Variants in ANKRD28 observed in about 807,000 individuals in gnomAD.
ANKRD28 encodes the protein ankyrin repeat domain 28, also known as serine/threonine-protein phosphatase 6 regulatory ankyrin repeat subunit A.
ANKRD28 carries 44 observed loss-of-function variants against 126.5 expected under a neutral mutation model. The ratio of observed to expected loss-of-function variants is 0.35; its 90% CI spans 0.27 to 0.45. ANKRD28 has a LOEUF of 0.45. Ranked by LOEUF, ANKRD28 falls within the 20% of genes least tolerant of loss-of-function variation. ANKRD28 has a pLI of 1.00. For synonymous variants in ANKRD28, 442 were observed against 468.5 expected, an observed-to-expected ratio of 0.94 and a Z score of 0.73; for missense variants, 1,110 against 1,316.6, an observed-to-expected ratio of 0.84 and a Z score of 2.43.
intron 6 of ANKRD28, among the ~76,000 whole-genome samples, chr3:15,733,797 ACT>A (rs959292553): frequency 6.6e-5 from 10 of 152,118 alleles, no homozygotes; most frequent in Non-Finnish European, 1.3e-4. Context: ...GAGTAACTAT[ACT>A]GGAATTGAAT....
chr3:15,667,761 G>A lies in ANKRD28; in HGVS notation c.*2509C>T, dbSNP rs936240769. ...CAAAAGTAATGAAATAGTTTTCTTA[G>A]TGGGGTGGCATTCGCAAGAACTACC... On this transcript the variant is annotated 3_prime_UTR_variant, in exon 28 of 28. Coordinates refer to ENST00000683139, the MANE Select transcript of ANKRD28 (RefSeq NM_001349278.2). 1 of 152,208 alleles carries A rather than the reference G, an allele frequency of 6.6e-6. No homozygotes were observed. The highest frequency in any genetic ancestry group is 1.5e-5 in the Non-Finnish European group (1 of 68,044). 9.4% of individuals were successfully genotyped at this position (152,208 alleles called of 1,614,324 possible). A position where few individuals can be genotyped will look rare whatever the true frequency, so the allele number is the denominator to read the frequency against.
Position 15,814,326 on chromosome 3 carries a change from A to T in ANKRD28, c.28-19020T>A, listed in dbSNP as rs902099012. On this transcript the variant is annotated intron_variant, in intron 1 of 27. Coordinates refer to the ANKRD28 transcript ENST00000399451. This position sits in a 1 kb window ranked among gnomAD's most constrained non-coding sequence, Gnocchi z 4.7. ...ATCACAGGCCTGTAGCAGAAAACAGATATCAAAAGAAAGAATACGCTGATC... is the reference window on the plus strand; with the variant it reads ...ATCACAGGCCTGTAGCAGAAAACAGTTATCAAAAGAAAGAATACGCTGATC... 3.2e-6 allele frequency: 4 copies of T among 1,267,078 alleles called. No homozygotes were observed. The African/African-American group carries it at 6.1e-5, about 19-fold the overall frequency. 78.5% of individuals were successfully genotyped at this position (1,267,078 alleles called of 1,614,324 possible).
rs773032840 is a variant in ANKRD28, at chr3:15,685,330, A to T, written c.2285T>A (p.Ile762Asn). The T allele has an allele frequency of 6.2e-7, 1 of 1,613,902 alleles. No homozygotes were observed. The highest frequency in any genetic ancestry group is 1.7e-5 in the Admixed American group (1 of 60,002). ...CTGCAAAAGGGCTCCAAGAACACCAATGTGTCCACAGGCAGCAGACAGGTG... is the reference window on the plus strand; with the variant it reads ...CTGCAAAAGGGCTCCAAGAACACCATTGTGTCCACAGGCAGCAGACAGGTG... ...PIHLSAACGH[I>N]GVLGALLQSA... The change falls in exon 21 of 28, where the codon ATT becomes AAT. Residue 762 changes from isoleucine (I) to asparagine (N), a missense_variant. Ile to Asn is a moderately radical substitution (Grantham distance 149, BLOSUM62 -3). Coordinates refer to ENST00000683139, the MANE Select transcript of ANKRD28 (RefSeq NM_001349278.2).
At chr3:15,740,268 C>G (rs2075355705) in intron 4 of ANKRD28, among the ~76,000 whole-genome samples, 1 of 152,104 alleles carries the variant, frequency 6.6e-6, no homozygotes, top group Admixed American at 6.5e-5. Flanking sequence ...GCTGGGGTAA[C>G]AGAAATCTTC....
At chr3:15,756,785 C>G (rs2058185021) in intron 3 of ANKRD28, among the ~76,000 whole-genome samples, 1 of 152,150 alleles carries the variant, frequency 6.6e-6, no homozygotes, top group Admixed American at 6.5e-5. Flanking sequence ...AAAGGGCACT[C>G]TTTCTGCGAA....
chr3:15,850,222 T>TATATATATATAGAGAG (rs2061616953), intron 1 of ANKRD28, among the ~76,000 whole-genome samples: 1 of 41,796 alleles, frequency 2.4e-5, no homozygotes, highest in East Asian at 1.8e-3. Context: ...TATATATATA[T>TATATATATATAGAGAG]ATAGAGAGAG....
chr3:15,828,574 T>G (rs2125927523), intron 1 of ANKRD28, among the ~76,000 whole-genome samples: 1 of 149,466 alleles, frequency 6.7e-6, no homozygotes, highest in Non-Finnish European at 1.5e-5. Flanking sequence ...AGAGATGGGG[T>G]TTCACCATGT....
intron 3 of ANKRD28, chr3:15,756,448 T>C (rs2058161635): frequency 7.3e-6 from 7 of 964,668 alleles, no homozygotes; most frequent in Non-Finnish European, 8.6e-6. Context: ...AAATAAAACA[T>C]AAATTCAAAA....
chr3:15,769,840 A>G (rs7640011), intron 2 of ANKRD28, among the ~76,000 whole-genome samples: 20,820 of 152,064 alleles, frequency 0.14, 2,143 homozygotes, highest in East Asian at 0.58. Context: ...GGAAACACTA[A>G]GGCAAACAGT....
intron 27 of ANKRD28, among the ~76,000 whole-genome samples, chr3:15,674,399 T>A (rs980297587): frequency 2.4e-5 from 1 of 41,864 alleles, no homozygotes; most frequent in East Asian, 2.6e-3. Flanking sequence ...CCTGAGCCAC[T>A]GTTAAGAATG....
Position 15,670,530 on chromosome 3 carries a change from G to A in ANKRD28, c.2992C>T (p.Pro998Ser). 6.2e-7 allele frequency: 1 copy of A among 1,613,878 alleles called. No individual in the cohort carries two copies. The highest frequency in any genetic ancestry group is 8.5e-7 in the Non-Finnish European group (1 of 1,179,840). Residue 998 changes from proline (P) to serine (S), a missense_variant, in exon 28 of 28, where the codon CCC (proline) becomes TCC (serine). Pro to Ser is a moderately conservative substitution (Grantham distance 74). Transcript: ENST00000683139. ...NGYTPALACA[P>S]NKDVADCLAL... ...AGGCAATCAGCCACATCCTTATTGG[G>A]AGCACAGGCCAAAGCTGGGGTATAG...
chr3:15,759,135 A>G (rs1438808923), intron 3 of ANKRD28, among the ~76,000 whole-genome samples: 1 of 152,214 alleles, frequency 6.6e-6, no homozygotes, highest in Admixed American at 6.5e-5. Flanking sequence ...AAAGCTAAAT[A>G]GGTGGTTGGG....
intron 1 of ANKRD28, among the ~76,000 whole-genome samples, chr3:15,829,200 C>T (rs191068338): frequency 6.6e-6 from 1 of 151,926 alleles, no homozygotes; most frequent in Non-Finnish European, 1.5e-5. Context: ...CTAATATATC[C>T]ACTACATACC....
intron 3 of ANKRD28, among the ~76,000 whole-genome samples, chr3:15,762,047 C>T (rs1010899300): frequency 1.3e-5 from 2 of 151,604 alleles, no homozygotes; most frequent in African/African-American, 2.4e-5. Context: ...TTAGTTGGGC[C>T]TGGTGATGCA....
At chr3:15,831,165 GTCTT>G (rs1015803566) in intron 1 of ANKRD28, among the ~76,000 whole-genome samples, 4 of 152,128 alleles carry the variant, frequency 2.6e-5, no homozygotes, top group Non-Finnish European at 5.9e-5. Flanking sequence ...AGTTCTGTGA[GTCTT>G]TCTAAGCAAA....
chr3:15,820,996 T>C (rs1157757472), intron 1 of ANKRD28, among the ~76,000 whole-genome samples: 1 of 152,178 alleles, frequency 6.6e-6, no homozygotes, highest in African/African-American at 2.4e-5. Context: ...TTCTCAATGT[T>C]GGCACTACCA....
intron 3 of ANKRD28, among the ~76,000 whole-genome samples, chr3:15,758,851 C>T (rs577534224): frequency 1.3e-5 from 2 of 152,134 alleles, no homozygotes; most frequent in East Asian, 1.9e-4. Context: ...ATTCTTAATG[C>T]CAGAAACATC....
chr3:15,681,259 A>C (rs1015792807), intron 21 of ANKRD28, among the ~76,000 whole-genome samples: 1 of 151,542 alleles, frequency 6.6e-6, no homozygotes, highest in Non-Finnish European at 1.5e-5. Context: ...GAATAATGAC[A>C]AAAAAAAAGT....
chr3:15,828,104 G>T (rs1186520366), intron 1 of ANKRD28, among the ~76,000 whole-genome samples: 1 of 152,114 alleles, frequency 6.6e-6, no homozygotes, highest in Non-Finnish European at 1.5e-5. Context: ...TAGAGTTAAT[G>T]TATAAAATAT....
Sources: allele counts gnomAD v4.1 joint callset (sites outside exome capture counted in the v4.1 genomes callset), GRCh38; gene constraint gnomAD v4.1.1; non-coding constraint Gnocchi (gnomAD v3.1); transcripts MANE v1.5; gene names NCBI Gene and HGNC (gene_info 2026-07-23, HGNC 2026-07-21).